Variants in HBS1L observed in about 807,000 individuals in gnomAD.
HBS1L encodes the protein HBS1 like translational GTPase, also known as HBS1-like protein.
In HBS1L, 55 loss-of-function variants were observed where a neutral mutation model predicts 88.9. That is an observed-to-expected ratio of 0.62 (90% CI 0.50 to 0.77). The LOEUF (loss-of-function observed/expected upper bound fraction) is 0.77, where lower values mean the gene tolerates loss of function less well. HBS1L is among the 30% of genes least tolerant of loss of function. The pLI, the probability that HBS1L is intolerant of heterozygous loss-of-function variation, is 0.00. For missense variants in HBS1L, 741 were observed against 829.3 expected (o/e 0.89, Z 1.31); for synonymous variants, 267 against 288.5 (o/e 0.93, Z 0.76).
rs925496445 is a variant in HBS1L at position 134,979,059 on chromosome 6, G to C, written c.1688+119C>G. 71 of 705,984 alleles carry C rather than the reference G, an allele frequency of 1.0e-4. No individual in the cohort carries two copies. The African/African-American group carries it at 1.1e-3, about 11-fold the overall frequency. 43.7% of individuals were successfully genotyped at this position (705,984 alleles called of 1,614,324 possible). The stretch of plus-strand genomic sequence containing the variant: ...AAGTAAGTTTGCTTACATTTACACA[G>C]GTGTCTATTTTTGGTCAAATGAAAT... On this transcript the variant is annotated intron_variant, in intron 14 of 17. Coordinates refer to ENST00000367837, the MANE Select transcript of HBS1L (RefSeq NM_006620.4).
At chr6:135,031,014 T>C (rs543392702) in intron 4 of HBS1L, among the ~76,000 whole-genome samples, 45 of 152,250 alleles carry the variant, frequency 3.0e-4, no homozygotes, top group Middle Eastern at 6.8e-3. Flanking sequence ...CTACTTAGTG[T>C]CGCATTTTTT....
rs750514505 is a variant in HBS1L at position 134,997,416 on chromosome 6, T to A, written c.780A>T (p.Leu260=). Residue 260 remains leucine, a synonymous_variant, in exon 6 of 18, where the codon CTA becomes CTT. Transcript: ENST00000367837. ...CATTACCAATGACCACTAAGTTGAG[T>A]AGCTGCTTCCCTCCTTGCCGCTTCT... ...ELEKRQGGKQ[L]LNLVVIGHVD... 11 of 1,613,954 alleles carry A rather than the reference T, an allele frequency of 6.8e-6. No homozygotes were observed. In the East Asian group the frequency reaches 2.5e-4, roughly 36 times the overall value.
chr6:135,054,160 G>A (rs1431354097), intron 1 of HBS1L, among the ~76,000 whole-genome samples: 3 of 152,198 alleles, frequency 2.0e-5, no homozygotes, highest in East Asian at 3.8e-4. Flanking sequence ...TCTGCACTAG[G>A]TATGTATGGA....
chr6:135,019,765 C>T (rs1776020615), intron 4 of HBS1L, among the ~76,000 whole-genome samples: 1 of 151,790 alleles, frequency 6.6e-6, no homozygotes, highest in Admixed American at 6.6e-5. Flanking sequence ...TTTCCAAACA[C>T]CATTTTGAAT....
intron 15 of HBS1L, among the ~76,000 whole-genome samples, chr6:134,975,156 C>A (rs907748804): frequency 1.2e-4 from 18 of 152,106 alleles, no homozygotes; most frequent in Non-Finnish European, 2.4e-4. Context: ...ATCCCTTTTA[C>A]AATAGCTACA....
At position 134,961,954 on chromosome 6, in the gene HBS1L, A is replaced by G. The variant is rs1030433381; in HGVS notation, c.*3325T>C. 2 of 152,092 alleles carry G rather than the reference A, an allele frequency of 1.3e-5. No individual in the cohort carries two copies. The highest frequency in any genetic ancestry group is 4.8e-5 in the African/African-American group (2 of 41,410). The allele number at this position is 152,092 out of a possible 1,614,324, so 9.4% of individuals were successfully genotyped here. A position where few individuals can be genotyped will look rare whatever the true frequency, so the allele number is the denominator to read the frequency against. On this transcript the variant is annotated 3_prime_UTR_variant, in exon 18 of 18. Transcript: ENST00000367837. ...CTACCATCACCTACCCTCCAATCTT[A>G]AAGTTTTGAATTATCTCTTTATGAT... is the stretch of plus-strand genomic sequence containing the variant.
chr6:135,032,918 C>T (rs1044896940), intron 4 of HBS1L, among the ~76,000 whole-genome samples: 7 of 112,054 alleles, frequency 6.2e-5, no homozygotes, highest in Non-Finnish European at 1.3e-4. Flanking sequence ...GGTTAAAATG[C>T]CAGTTTAGTA....
chr6:134,997,266 TTATGA>T, intron 6 of HBS1L, 126 bp downstream of exon 6: 3 of 1,048,744 alleles, frequency 2.9e-6, no homozygotes, highest in Non-Finnish European at 4.2e-6. Flanking sequence ...CTAGAAAGCA[TTATGA>T]GACTGTGCCT....
At chr6:135,023,002 T>C (rs1388990895) in intron 4 of HBS1L, among the ~76,000 whole-genome samples, 1 of 150,832 alleles carries the variant, frequency 6.6e-6, no homozygotes, top group Non-Finnish European at 1.5e-5. Context: ...AGATACATAG[T>C]GATGATATCT....
intron 17 of HBS1L, 59 bp from the exon 18 acceptor site, chr6:134,965,349 A>G: frequency 8.6e-7 from 1 of 1,167,218 alleles, no homozygotes; most frequent in Non-Finnish European, 1.2e-6. Context: ...CATTATAAGA[A>G]CAACAAAGGG....
At chr6:134,992,932 G>A (rs9376078) in intron 8 of HBS1L, among the ~76,000 whole-genome samples, 21,599 of 152,120 alleles carry the variant, frequency 0.14, 1,729 homozygotes, top group East Asian at 0.27. Context: ...TCCATTCATG[G>A]TAAGTGCCCT....
chr6:135,027,495 TA>T (rs1776269082), intron 4 of HBS1L, among the ~76,000 whole-genome samples: 1 of 152,112 alleles, frequency 6.6e-6, no homozygotes, highest in Non-Finnish European at 1.5e-5. Flanking sequence ...AAAATAACAG[TA>T]ATTCTAAAAG....
chr6:135,043,731 G>A (rs1351725772), intron 2 of HBS1L, among the ~76,000 whole-genome samples: 1 of 152,164 alleles, frequency 6.6e-6, no homozygotes, highest in African/African-American at 2.4e-5. Flanking sequence ...TGAAGAGGTG[G>A]AAGAGATCCT....
At position 135,002,642 on chromosome 6, in the gene HBS1L, G is replaced by A. The variant is rs544481230; in HGVS notation, c.539+92C>T. On this transcript the variant is annotated intron_variant, in intron 5 of 17. Coordinates refer to ENST00000367837, the MANE Select transcript of HBS1L (RefSeq NM_006620.4). ...CTTCAGTGCTAATGATATATTATGC[G>A]AAATTGAAACAGTCTCTTTCTTACA... 4.7e-5 allele frequency: 32 copies of A among 683,754 alleles called. No homozygotes were observed. The Admixed American group carries it at 5.8e-4, about 12-fold the overall frequency. 42.4% of individuals were successfully genotyped at this position (683,754 alleles called of 1,614,324 possible).
intron 4 of HBS1L, among the ~76,000 whole-genome samples, chr6:135,016,151 G>A (rs1775915469): frequency 2.0e-5 from 3 of 152,158 alleles, no homozygotes; most frequent in Admixed American, 2.0e-4. Context: ...CTCCCAAAGT[G>A]CTGGGATTAC....
At chr6:135,037,986 A>G in intron 4 of HBS1L, 1 of 1,531,050 alleles carries the variant, frequency 6.5e-7, no homozygotes, top group Non-Finnish European at 8.8e-7. Context: ...AAGAACTTTG[A>G]ACATTATCAG....
chr6:135,002,911 TATTTTA>T, intron 4 of HBS1L, 69 bp from the exon 5 acceptor site: 1 of 698,398 alleles, frequency 1.4e-6, no homozygotes, highest in Non-Finnish European at 2.3e-6. Flanking sequence ...TATTACATAG[TATTTTA>T]AATTATAGAT....
intron 8 of HBS1L, among the ~76,000 whole-genome samples, chr6:134,988,853 T>A (rs1164660493): frequency 6.6e-6 from 1 of 152,218 alleles, no homozygotes; most frequent in Non-Finnish European, 1.5e-5. Flanking sequence ...TCTACAAAGA[T>A]ATTCATCAGA....
intron 2 of HBS1L, among the ~76,000 whole-genome samples, chr6:135,049,616 G>C (rs1314065994): frequency 6.6e-6 from 1 of 151,916 alleles, no homozygotes; most frequent in Non-Finnish European, 1.5e-5. Flanking sequence ...TTGTTGCCCA[G>C]GCTGGAGTAC....
Sources: gnomAD v4.1 joint callset for allele counts (sites outside exome capture counted in the v4.1 genomes callset) on GRCh38, gnomAD v4.1.1 for gene constraint, MANE v1.5 for transcripts, NCBI Gene and HGNC (gene_info 2026-07-23, HGNC 2026-07-21) for gene names.